The following PATJ variants were observed in gnomAD, a reference collection of about 807,000 sequenced individuals.
PATJ encodes inaD-like protein.
Under a neutral mutation model 224.9 loss-of-function variants are expected in PATJ, and 190 were observed. The observed-to-expected ratio is 0.84, with a 90% CI of 0.75 to 0.95. PATJ has a LOEUF of 0.95. Among genes scored for constraint, PATJ ranks in the 40% least tolerant of loss-of-function variants. PATJ has a pLI of 0.00. For synonymous variants in PATJ, 769 were observed against 820.3 expected (o/e 0.94, Z 1.07); for missense variants, 2,121 against 2,270.3 (o/e 0.93, Z 1.34).
At chr1:61,815,361 G>A (rs1655891406) in intron 14 of PATJ, among the ~76,000 whole-genome samples, 1 of 152,210 alleles carries the variant, frequency 6.6e-6, no homozygotes, top group African/African-American at 2.4e-5. Context: ...ACTGTGATAT[G>A]TATGGACTTT....
chr1:61,858,145 C>T (rs1663987091), intron 18 of PATJ, among the ~76,000 whole-genome samples: 1 of 152,126 alleles, frequency 6.6e-6, no homozygotes, highest in South Asian at 2.1e-4. Context: ...GCATCTGCTT[C>T]TGGGGAGGCC....
At chr1:62,008,480 G>C (rs1325013237) in intron 28 of PATJ, among the ~76,000 whole-genome samples, 1 of 152,126 alleles carries the variant, frequency 6.6e-6, no homozygotes, top group Non-Finnish European at 1.5e-5. Context: ...ACTACTAATC[G>C]GCACAGTGGC....
At position 61,805,496 on chromosome 1, in the gene PATJ, AC is replaced by A; in HGVS notation, c.1600del (p.Leu534CysfsTer8). On this transcript the variant is annotated frameshift_variant, in exon 13 of 44. Coordinates refer to ENST00000642238, the MANE Select transcript of PATJ (RefSeq NM_001350145.3). LOFTEE classifies it high-confidence loss of function. ...AATGAGCTGAAATCCAGATGGGAAA[AC>A]CTGTTGGGTCCTGATTATGAAGTAA... ...PENELKSRWE[N>X]LLGPDYEVMV... 1 of 1,604,638 alleles carries A rather than the reference AC, an allele frequency of 6.2e-7. No individual in the cohort carries two copies. Among genetic ancestry groups the A allele is most frequent in the Non-Finnish European group, 8.5e-7 (1 of 1,171,580 alleles).
At chr1:61,752,978 C>G (rs1000407512) in intron 1 of PATJ, among the ~76,000 whole-genome samples, 1 of 152,168 alleles carries the variant, frequency 6.6e-6, no homozygotes, top group Non-Finnish European at 1.5e-5. Context: ...ATTTGAAGTA[C>G]TGGTGGAGAG....
intron 30 of PATJ, among the ~76,000 whole-genome samples, chr1:62,048,673 T>C (rs1653027551): frequency 6.6e-6 from 1 of 152,082 alleles, no homozygotes; most frequent in Non-Finnish European, 1.5e-5. Context: ...ATTAACTCAT[T>C]AATCTTTTAA....
At chr1:61,952,302 A>AGAGAGAGAGAGAGAGAGAGAG in intron 27 of PATJ, 1 of 602,388 alleles carries the variant, frequency 1.7e-6, no homozygotes, top group African/African-American at 2.4e-5. Context: ...AGGTCGTCAG[A>AGAGAGAGAGAGAGAGAGAGAG]AGAGAGAGGA....
intron 7 of PATJ, among the ~76,000 whole-genome samples, chr1:61,780,779 A>G (rs1647210950): frequency 6.6e-6 from 1 of 152,174 alleles, no homozygotes; most frequent in Non-Finnish European, 1.5e-5. Context: ...TTAAAATACT[A>G]ACATGCTTTA....
At chr1:61,825,918 T>G (rs1279075345) in intron 15 of PATJ, among the ~76,000 whole-genome samples, 2 of 152,170 alleles carry the variant, frequency 1.3e-5, no homozygotes, top group African/African-American at 2.4e-5. Flanking sequence ...TTTTAGAACT[T>G]TGTGCACCTG....
intron 27 of PATJ, among the ~76,000 whole-genome samples, chr1:61,986,849 C>T (rs6670928): frequency 0.3 from 46,177 of 151,954 alleles, 7,587 homozygotes; most frequent in East Asian, 0.45. Flanking sequence ...GTGATAGTTC[C>T]ATATTCATTC....
intron 30 of PATJ, among the ~76,000 whole-genome samples, chr1:62,049,043 C>T (rs558961040): frequency 6.6e-6 from 1 of 152,196 alleles, no homozygotes; most frequent in East Asian, 1.9e-4. Flanking sequence ...AGATTTGAAC[C>T]CAAATCTGCC....
chr1:62,155,824 G>A (rs889263401), intron 43 of PATJ, among the ~76,000 whole-genome samples: 24 of 151,756 alleles, frequency 1.6e-4, no homozygotes, highest in Admixed American at 3.9e-4. Context: ...TTGGGAGGCC[G>A]AGGCAGGCAG....
intron 33 of PATJ, among the ~76,000 whole-genome samples, chr1:62,093,668 T>C (rs1661047716): frequency 6.6e-6 from 1 of 152,228 alleles, no homozygotes; most frequent in Non-Finnish European, 1.5e-5. Context: ...TTTGGACATT[T>C]CTGGTCTTAA....
chr1:62,154,795 G>C lies in PATJ; in HGVS notation c.5502+1314G>C, dbSNP rs78394505. 7.0e-3 allele frequency among the ~76,000 whole-genome samples: 1,063 copies of C among 152,236 alleles called. 14 individuals are homozygous for C. Among genetic ancestry groups the C allele is most frequent in the African/African-American group, 0.025 (1,038 of 41,542 alleles). The stretch of plus-strand genomic sequence containing the variant: ...GTGCAGATCTTAGATCTTATCACCT[G>C]TTAATTGGGCCCAGTGACCTGCCAT... On this transcript the variant is annotated intron_variant, in intron 43 of 43. Coordinates refer to ENST00000642238, the MANE Select transcript of PATJ (RefSeq NM_001350145.3).
At chr1:61,808,787 TC>T (rs1654101863) in intron 14 of PATJ, among the ~76,000 whole-genome samples, 1 of 152,170 alleles carries the variant, frequency 6.6e-6, no homozygotes, top group South Asian at 2.1e-4. Flanking sequence ...CTTGCATGTT[TC>T]CTAGAAATGT....
intron 33 of PATJ, among the ~76,000 whole-genome samples, chr1:62,094,349 C>A (rs1661131611): frequency 6.6e-6 from 1 of 152,238 alleles, no homozygotes; most frequent in African/African-American, 2.4e-5. Flanking sequence ...AGCTGTGGTG[C>A]CGCCACTGCA....
intron 20 of PATJ, among the ~76,000 whole-genome samples, chr1:61,874,196 A>ATTTG (rs1256051044): frequency 6.7e-6 from 1 of 149,376 alleles, no homozygotes; most frequent in Non-Finnish European, 1.5e-5. Context: ...TTATTTATTT[A>ATTTG]TTTATTTATT....
chr1:61,853,700 T>C (rs1296091015), intron 17 of PATJ, among the ~76,000 whole-genome samples: 2 of 152,200 alleles, frequency 1.3e-5, no homozygotes, highest in East Asian at 1.9e-4. Flanking sequence ...GACAGCTCTT[T>C]TATATTACCA....
At chr1:62,092,827 C>T (rs570223704) in intron 33 of PATJ, among the ~76,000 whole-genome samples, 5 of 151,756 alleles carry the variant, frequency 3.3e-5, no homozygotes, top group African/African-American at 9.7e-5. Context: ...CTACGGCCTC[C>T]GCCTCCCAAA....
Position 61,875,319 on chromosome 1 carries a change from A to G in PATJ, c.2912A>G (p.Asp971Gly). The change falls in exon 21 of 44, where the codon GAC becomes GGC. Residue 971 changes from aspartate (D) to glycine (G), a missense_variant. By Grantham distance (94) the Asp-to-Gly change is moderately conservative. Coordinates refer to ENST00000642238, the MANE Select transcript of PATJ (RefSeq NM_001350145.3). ...GGAAACAGTCAACAAGGCAGATTTG[A>G]CGACCTGGAAAATCTTAATTCATTA... ...TEGNSQQGRF[D>G]DLENLNSLAK... 6.2e-7 allele frequency: 1 copy of G among 1,611,618 alleles called. No individual in the cohort carries two copies. Among genetic ancestry groups the G allele is most frequent in the Non-Finnish European group, 8.5e-7 (1 of 1,178,278 alleles).
Sources: gnomAD v4.1 joint callset for allele counts (sites outside exome capture counted in the v4.1 genomes callset) on GRCh38, gnomAD v4.1.1 for gene constraint, MANE v1.5 for transcripts, NCBI Gene and HGNC (gene_info 2026-07-23, HGNC 2026-07-21) for gene names.